Variants in ADAMTS16 observed in about 807,000 individuals in gnomAD.
ADAMTS16 encodes the protein A disintegrin and metalloproteinase with thrombospondin motifs 16.
Under a neutral mutation model 145.8 loss-of-function variants are expected in ADAMTS16, and 94 were observed. The observed-to-expected ratio is 0.64, with a 90% confidence interval of 0.55 to 0.77. The LOEUF is 0.77. Among genes scored for constraint, ADAMTS16 ranks in the 30% least tolerant of loss-of-function variants. The pLI is 0.00. For synonymous variants in ADAMTS16, 659 were observed against 604.3 expected (o/e 1.09, Z -1.33); for missense variants, 1,585 against 1,591.5 (o/e 1.00, Z 0.07).
chr5:5,214,871 C>T (rs74690965), intron 10 of ADAMTS16, among the ~76,000 whole-genome samples: 10,051 of 152,040 alleles, frequency 0.066, 1,095 homozygotes, highest in African/African-American at 0.23. Flanking sequence ...TTTTAATGAA[C>T]ACCTGCTCAA....
chr5:5,242,997 T>G (rs77062019), intron 17 of ADAMTS16, among the ~76,000 whole-genome samples: 1 of 152,182 alleles, frequency 6.6e-6, no homozygotes, highest in East Asian at 1.9e-4. Context: ...TTAGACAATA[T>G]TATGTTTAAG....
chr5:5,229,128 C>T (rs1005211264), intron 11 of ADAMTS16, among the ~76,000 whole-genome samples: 1 of 151,632 alleles, frequency 6.6e-6, no homozygotes, highest in African/African-American at 2.4e-5. Flanking sequence ...GAAACCCCGT[C>T]TCTACTAAAA....
Position 5,140,516 on chromosome 5 carries a change from C to A in ADAMTS16, c.49C>A (p.Leu17Met), listed in dbSNP as rs769625696. ...GCGGGGCTTGGCGGCGCTGTGGATG[C>A]TGTTGGCGCAGGTGGCCGAGCAGGT... The part of the protein sequence containing the change: ...GWRGLAALWM[L>M]LAQVAEQAPA... Residue 17 changes from leucine (L) to methionine (M), a missense_variant, in exon 1 of 23, where the codon CTG becomes ATG. This residue lies in a region of ADAMTS16 where 453 missense variants were observed against 412.1 expected (regional missense o/e 1.10). Coordinates refer to ENST00000274181, the MANE Select transcript of ADAMTS16 (RefSeq NM_139056.4). 4 of 1,519,904 alleles carry A rather than the reference C, an allele frequency of 2.6e-6. No homozygotes were observed. 94.2% of individuals were successfully genotyped at this position (1,519,904 alleles called of 1,614,324 possible).
At chr5:5,302,740 C>T (rs571551264) in intron 18 of ADAMTS16, among the ~76,000 whole-genome samples, 3 of 152,136 alleles carry the variant, frequency 2.0e-5, no homozygotes, top group African/African-American at 7.2e-5. Flanking sequence ...GGAACACTAG[C>T]CCTTCAGGGA....
chr5:5,202,716 G>A (rs1458401414), intron 9 of ADAMTS16, among the ~76,000 whole-genome samples: 4 of 151,920 alleles, frequency 2.6e-5, no homozygotes, highest in Admixed American at 6.6e-5. Context: ...CATCTTAATC[G>A]TTATGAGGAA....
At chr5:5,303,930 A>C (rs2126513396) in intron 20 of ADAMTS16, 164 bp downstream of exon 20, 1 of 789,892 alleles carries the variant, frequency 1.3e-6, no homozygotes, top group East Asian at 2.7e-5. Flanking sequence ...GGGTTGCTTA[A>C]TCTCCTTTGG....
intron 2 of ADAMTS16, 67 bp from the exon 3 acceptor site, chr5:5,146,062 CT>C (rs1173178966): frequency 7.2e-7 from 1 of 1,386,518 alleles, no homozygotes; most frequent in African/African-American, 1.4e-5. Flanking sequence ...AATATTATAT[CT>C]TAAGACTTCC....
intron 16 of ADAMTS16, among the ~76,000 whole-genome samples, chr5:5,240,951 A>C (rs1737269892): frequency 6.6e-6 from 1 of 152,148 alleles, no homozygotes; most frequent in African/African-American, 2.4e-5. Context: ...TCCGGGTTGA[A>C]AATAAGTGGG....
chr5:5,232,601 T>A, intron 12 of ADAMTS16, 85 bp downstream of exon 12: 195 of 30,644 alleles, frequency 6.4e-3, no homozygotes, highest in Middle Eastern at 0.05. Flanking sequence ...GTCTCAGCTC[T>A]TTTTTTTTTT....
At chr5:5,250,989 A>T (rs1218021955) in intron 17 of ADAMTS16, among the ~76,000 whole-genome samples, 2 of 152,112 alleles carry the variant, frequency 1.3e-5, no homozygotes, top group African/African-American at 4.8e-5. Context: ...GTGTAGGCAG[A>T]TAAGAAAGTT....
intron 13 of ADAMTS16, among the ~76,000 whole-genome samples, chr5:5,236,299 C>CT (rs1560961765): frequency 9.0e-6 from 1 of 110,838 alleles, no homozygotes; most frequent in East Asian, 2.2e-4. Flanking sequence ...ATTGTCCCTC[C>CT]CCTTTTTTTT....
intron 9 of ADAMTS16, among the ~76,000 whole-genome samples, chr5:5,205,388 T>G (rs1736073295): frequency 6.6e-6 from 1 of 152,220 alleles, no homozygotes; most frequent in Non-Finnish European, 1.5e-5. Context: ...ACAAGTTTTA[T>G]TGTTTGCTTA....
intron 1 of ADAMTS16, 49 bp downstream of exon 1, chr5:5,140,588 C>G: frequency 2.6e-6 from 4 of 1,514,388 alleles, no homozygotes; most frequent in Non-Finnish European, 3.5e-6. Context: ...GTCCGGACAG[C>G]TGGAGGCGAG....
intron 8 of ADAMTS16, 136 bp from the exon 9 acceptor site, chr5:5,199,996 G>C: frequency 9.4e-7 from 1 of 1,060,222 alleles, no homozygotes; most frequent in Non-Finnish European, 1.3e-6. Flanking sequence ...TGGCAGTTGT[G>C]ACTTTTATTT....
chr5:5,194,528 G>A (rs747767165), intron 8 of ADAMTS16, among the ~76,000 whole-genome samples: 15 of 152,184 alleles, frequency 9.9e-5, no homozygotes, highest in Admixed American at 2.6e-4. Flanking sequence ...AATGAGTGAC[G>A]CAGGGCGTGA....
chr5:5,277,048 G>A (rs189167448), intron 18 of ADAMTS16, among the ~76,000 whole-genome samples: 7 of 152,228 alleles, frequency 4.6e-5, no homozygotes, highest in East Asian at 1.9e-4. Context: ...TCTGAAAATC[G>A]CAGATGCTAA....
At chr5:5,181,935 A>C in intron 3 of ADAMTS16, 109 bp from the exon 4 acceptor site, 2 of 1,258,822 alleles carry the variant, frequency 1.6e-6, no homozygotes, top group Non-Finnish European at 2.2e-6. Context: ...ACTGGAGGGA[A>C]CAGCATGCTT....
rs1164833690 is a variant in ADAMTS16 at position 5,151,609 on chromosome 5, G to GCA, written c.501+5167_501+5168dup. ...ACATGATGTTTATACACACACACAC[G>GCA]CACACACACACACAATGAGAAGATT... is the stretch of plus-strand genomic sequence containing the variant. On this transcript the variant is annotated intron_variant, in intron 3 of 22. Transcript: ENST00000274181. Among the ~76,000 whole-genome samples, 14 of 140,278 alleles carry GCA rather than the reference G, an allele frequency of 1.0e-4. No homozygotes were observed. In the South Asian group the frequency reaches 2.4e-3, roughly 24 times the overall value. 92.0% of individuals were successfully genotyped at this position (140,278 alleles called of 152,430 possible). A position where few individuals can be genotyped will look rare whatever the true frequency, so the allele number is the denominator to read the frequency against.
At chr5:5,199,275 G>A (rs974519060) in intron 8 of ADAMTS16, among the ~76,000 whole-genome samples, 1 of 152,174 alleles carries the variant, frequency 6.6e-6, no homozygotes, top group Non-Finnish European at 1.5e-5. Flanking sequence ...TATTAAGGGA[G>A]TGTTAATTGG....
Sources: allele counts gnomAD v4.1 joint callset (sites outside exome capture counted in the v4.1 genomes callset), GRCh38; gene constraint gnomAD v4.1.1; regional missense constraint gnomAD v4.1.1; transcripts MANE v1.5; gene names NCBI Gene and HGNC (gene_info 2026-07-23, HGNC 2026-07-21).